The following PTK7 variants were observed in gnomAD, a reference collection of about 807,000 sequenced individuals.
PTK7 encodes inactive tyrosine-protein kinase 7.
A neutral mutation model predicts 116.6 loss-of-function variants in PTK7; 39 were observed. The observed-to-expected ratio is 0.33, with a 90% confidence interval of 0.26 to 0.44. PTK7 has a LOEUF of 0.44. Among genes scored for constraint, PTK7 ranks in the 20% least tolerant of loss-of-function variants. PTK7 has a pLI of 1.00. For synonymous variants in PTK7, 546 were observed against 563.6 expected, an observed-to-expected ratio of 0.97 and a Z score of 0.44; for missense variants, 1,169 against 1,425.6, an observed-to-expected ratio of 0.82 and a Z score of 2.90.
At chr6:43,144,335 GC>G in intron 14 of PTK7, 115 bp from the exon 15 acceptor site, 2 of 1,296,398 alleles carry the variant, frequency 1.5e-6, no homozygotes, top group Non-Finnish European at 2.2e-6. Flanking sequence ...TTCATGTGGA[GC>G]ACTGTGATTG....
At chr6:43,132,222 A>G (rs191589652) in intron 6 of PTK7, 58 bp downstream of exon 6, 2 of 1,548,126 alleles carry the variant, frequency 1.3e-6, no homozygotes, top group Non-Finnish European at 1.7e-6. Flanking sequence ...TTTTTGGCAC[A>G]TAGAGATTTA....
chr6:43,086,609 T>G (rs944697109), intron 1 of PTK7, among the ~76,000 whole-genome samples: 1 of 152,084 alleles, frequency 6.6e-6, no homozygotes, highest in African/African-American at 2.4e-5. Flanking sequence ...CAGAGGCAAG[T>G]GGATCACTTG....
Position 43,144,483 on chromosome 6 carries a change from G to C in PTK7, c.2284G>C (p.Glu762Gln). The change falls in exon 15 of 20, where the codon GAG becomes CAG. Residue 762 changes from glutamate to glutamine, a missense_variant. Around this residue, in one of 3 missense-constraint regions of PTK7, gnomAD observed 678 missense variants for 853.8 expected, o/e 0.79. Transcript: ENST00000230419. Reference sequence around the variant, plus strand: ...TTTGCAGAACGGGCAGCCCTCAGCAGAGATCCAAGAAGAAGTGGCCTTGAC... The same window carrying C: ...TTTGCAGAACGGGCAGCCCTCAGCACAGATCCAAGAAGAAGTGGCCTTGAC... ...GPLQNGQPSA[E>Q]IQEEVALTSL... 2 of 1,614,110 alleles carry C rather than the reference G, an allele frequency of 1.2e-6. No homozygotes were observed. Among genetic ancestry groups the C allele is most frequent in the Middle Eastern group, 3.3e-4 (2 of 6,062 alleles).
At chr6:43,095,172 C>A (rs1232843000) in intron 1 of PTK7, among the ~76,000 whole-genome samples, 1 of 142,600 alleles carries the variant, frequency 7.0e-6, no homozygotes, top group Admixed American at 7.3e-5. Context: ...CCAGCCTGAC[C>A]AACATGGAGA....
chr6:43,089,060 G>A (rs2150376247), intron 1 of PTK7, among the ~76,000 whole-genome samples: 1 of 152,296 alleles, frequency 6.6e-6, no homozygotes, highest in South Asian at 2.1e-4. Flanking sequence ...CTGCCTCATA[G>A]TAGGGGCCTA....
intron 17 of PTK7, among the ~76,000 whole-genome samples, chr6:43,156,130 G>T (rs1407518331): frequency 6.7e-6 from 1 of 149,956 alleles, no homozygotes; most frequent in Non-Finnish European, 1.5e-5. Flanking sequence ...TTGGGAGGCT[G>T]AGGCACGAGA....
intron 1 of PTK7, among the ~76,000 whole-genome samples, chr6:43,128,155 G>A (rs1193527162): frequency 6.6e-6 from 1 of 152,182 alleles, no homozygotes; most frequent in Admixed American, 6.5e-5. Flanking sequence ...ATCTTTCCAG[G>A]GTGCTGTTTG....
intron 18 of PTK7, among the ~76,000 whole-genome samples, chr6:43,159,191 A>G (rs980354448): frequency 6.6e-6 from 1 of 152,216 alleles, no homozygotes; most frequent in Non-Finnish European, 1.5e-5. Flanking sequence ...TAGCGATTAA[A>G]TAAATAAATA....
chr6:43,076,932 G>A lies in PTK7; in HGVS notation c.79+365G>A. ...GAAAAGACCATCCGCACCCACCGTGGGGAGCGCGATGGAGAAAAAGGAATT... is the reference window on the plus strand; with the variant it reads ...GAAAAGACCATCCGCACCCACCGTGAGGAGCGCGATGGAGAAAAAGGAATT... On this transcript the variant is annotated intron_variant, in intron 1 of 19. Transcript: ENST00000230419. This position sits in a 1 kb window ranked among gnomAD's most constrained non-coding sequence, Gnocchi z 5.7. 1 of 1,516,824 alleles carries A rather than the reference G, an allele frequency of 6.6e-7. No individual in the cohort carries two copies. The highest frequency in any genetic ancestry group is 2.5e-5 in the East Asian group (1 of 39,962). The allele number at this position is 1,516,824 out of a possible 1,614,324, so 94.0% of individuals were successfully genotyped here.
intron 7 of PTK7, among the ~76,000 whole-genome samples, chr6:43,135,794 C>CA (rs1170012811): frequency 1.3e-5 from 2 of 152,364 alleles, no homozygotes; most frequent in East Asian, 3.9e-4. Context: ...CAAACCACTT[C>CA]AAAACGTGGT....
chr6:43,132,844 T>C (rs567537805), intron 7 of PTK7, 157 bp downstream of exon 7: 3 of 1,060,624 alleles, frequency 2.8e-6, no homozygotes, highest in Non-Finnish European at 2.8e-6. Flanking sequence ...GTGTAGACAG[T>C]AGAGAGCCAG....
chr6:43,086,271 G>A (rs1389832422), intron 1 of PTK7, among the ~76,000 whole-genome samples: 2 of 152,180 alleles, frequency 1.3e-5, no homozygotes, highest in South Asian at 2.1e-4. Flanking sequence ...CAGCGACTCT[G>A]TTAATTTGTG....
chr6:43,100,973 C>G (rs1165604773), intron 1 of PTK7, among the ~76,000 whole-genome samples: 1 of 152,152 alleles, frequency 6.6e-6, no homozygotes, highest in African/African-American at 2.4e-5. Context: ...TGGCTCACGC[C>G]TGTAATCCCA....
chr6:43,159,753 C>T (rs778318819), intron 18 of PTK7, 35 bp from the exon 19 acceptor site: 19 of 1,611,344 alleles, frequency 1.2e-5, no homozygotes, highest in Non-Finnish European at 1.5e-5. Context: ...CACGCTCCCA[C>T]CCCACCTCAC....
rs1355592014 is a variant in PTK7 at position 43,132,554 on chromosome 6, C to G, written c.1095C>G (p.Thr365=). 1 of 1,613,436 alleles carries G rather than the reference C, an allele frequency of 6.2e-7. No homozygotes were observed. Among genetic ancestry groups the G allele is most frequent in the Admixed American group, 1.7e-5 (1 of 60,008 alleles). Residue 365 remains threonine, a synonymous_variant, in exon 7 of 20, where the codon ACC becomes ACG. Transcript: ENST00000230419. ...AGCACGCGGGAGTCCGGCTGCCCAC[C>G]CATGGCAGGGTCTACCAGAAGGGCC... ...WWEHAGVRLP[T]HGRVYQKGHE...
Position 43,129,904 on chromosome 6 carries a change from C to A in PTK7, c.470+75C>A. 1 of 1,365,744 alleles carries A rather than the reference C, an allele frequency of 7.3e-7. No homozygotes were observed. 84.6% of individuals were successfully genotyped at this position (1,365,744 alleles called of 1,614,324 possible). A position where few individuals can be genotyped will look rare whatever the true frequency, so the allele number is the denominator to read the frequency against. On this transcript the variant is annotated intron_variant, in intron 3 of 19. Coordinates refer to ENST00000230419, the MANE Select transcript of PTK7 (RefSeq NM_002821.5). This position sits in a 1 kb window ranked among gnomAD's most constrained non-coding sequence, Gnocchi z 4.5. ...GTCTCCCCAAATCTTGGACTCTATG[C>A]GGATGTTACCTCGCTCCATTCTGTG...
rs535995544 is a variant in PTK7, at chr6:43,138,970, G to A, written c.1350G>A (p.Met450Ile). Residue 450 changes from methionine (M) to isoleucine (I), a missense_variant, in exon 8 of 20, where the codon ATG (methionine) becomes ATA (isoleucine). By Grantham distance (10) the Met-to-Ile change is conservative. Transcript: ENST00000230419. ...CAGTTGTCTGGTACAGAAACCAGAT[G>A]CTCATCTCAGAGGTGAGAAAGAAGA... ...KPTVVWYRNQ[M>I]LISEDSRFEV... 1 of 1,614,004 alleles carries A rather than the reference G, an allele frequency of 6.2e-7. No homozygotes were observed. The highest frequency in any genetic ancestry group is 1.3e-5 in the African/African-American group (1 of 75,068).
intron 1 of PTK7, among the ~76,000 whole-genome samples, chr6:43,091,885 T>G (rs1201330385): frequency 6.6e-6 from 1 of 152,104 alleles, no homozygotes; most frequent in Non-Finnish European, 1.5e-5. Context: ...ATTTTTGAGA[T>G]GGAGTCCTGC....
chr6:43,156,556 C>T lies in PTK7; in HGVS notation c.2722-2261C>T, dbSNP rs139863435. ...CCAGGAGGGCGAGGCTGCAGTGAAC[C>T]GTGATCACCATCACTGTACTCCAGC... On this transcript the variant is annotated intron_variant, in intron 17 of 19. Coordinates refer to ENST00000230419, the MANE Select transcript of PTK7 (RefSeq NM_002821.5). Among the ~76,000 whole-genome samples the T allele has an allele frequency of 8.4e-3, 1,282 of 152,014 alleles. 8 individuals are homozygous for T. Among genetic ancestry groups the T allele is most frequent in the Middle Eastern group, 0.027 (8 of 294 alleles).
Sources: gnomAD v4.1 joint callset for allele counts (sites outside exome capture counted in the v4.1 genomes callset) on GRCh38, gnomAD v4.1.1 for gene constraint, gnomAD v4.1.1 regional missense constraint, Gnocchi (gnomAD v3.1) non-coding constraint, MANE v1.5 for transcripts, NCBI Gene and HGNC (gene_info 2026-07-23, HGNC 2026-07-21) for gene names.